Variants in KCNIP4 observed in about 807,000 individuals in gnomAD.
The protein encoded by KCNIP4 is Kv channel-interacting protein 4.
Under a neutral mutation model 34.0 loss-of-function variants are expected in KCNIP4, and 12 were observed. The ratio of observed to expected loss-of-function variants is 0.35; its 90% CI spans 0.23 to 0.57. The LOEUF (loss-of-function observed/expected upper bound fraction) is 0.57. KCNIP4 is among the 20% of genes least tolerant of loss of function. KCNIP4 has a pLI of 0.83. For missense variants in KCNIP4, 238 were observed against 311.7 expected (o/e 0.76, Z 1.78); for synonymous variants, 124 against 102.2 (o/e 1.21, Z -1.29).
intron 1 of KCNIP4, among the ~76,000 whole-genome samples, chr4:21,771,380 C>T (rs1020650557): frequency 7.2e-5 from 11 of 152,152 alleles, no homozygotes; most frequent in African/African-American, 2.4e-4. Context: ...AGTGTGATAA[C>T]TCCAGCTTTG....
intron 1 of KCNIP4, among the ~76,000 whole-genome samples, chr4:21,184,445 G>C (rs781376069): frequency 2.6e-5 from 4 of 152,124 alleles, no homozygotes; most frequent in Non-Finnish European, 5.9e-5. Context: ...TTGCCTAGAG[G>C]AGGAGAAGAA....
intron 1 of KCNIP4, among the ~76,000 whole-genome samples, chr4:21,119,635 C>T (rs1749978780): frequency 6.6e-6 from 1 of 151,854 alleles, no homozygotes; most frequent in Admixed American, 6.6e-5. Flanking sequence ...TTCCCCACTG[C>T]CTAATGTACA....
At chr4:21,753,637 G>A (rs1717302365) in intron 1 of KCNIP4, among the ~76,000 whole-genome samples, 1 of 152,170 alleles carries the variant, frequency 6.6e-6, no homozygotes, top group East Asian at 1.9e-4. Context: ...TAAATGTCCT[G>A]TTGTGCATTT....
At chr4:21,637,167 T>A (rs1226396095) in intron 1 of KCNIP4, among the ~76,000 whole-genome samples, 1 of 152,096 alleles carries the variant, frequency 6.6e-6, no homozygotes, top group East Asian at 1.9e-4. Context: ...ACTGATCAGC[T>A]CCTAAATGTC....
chr4:21,357,450 G>C (rs1385727748), intron 1 of KCNIP4, among the ~76,000 whole-genome samples: 1 of 152,066 alleles, frequency 6.6e-6, no homozygotes, highest in East Asian at 1.9e-4. Flanking sequence ...AATTTACAAA[G>C]AGAACTTAAA....
chr4:21,731,024 G>A (rs1715553272), intron 1 of KCNIP4, among the ~76,000 whole-genome samples: 1 of 151,214 alleles, frequency 6.6e-6, no homozygotes, highest in East Asian at 2.0e-4. Flanking sequence ...TAAGGTTGGA[G>A]TATCACCTGA....
chr4:21,770,326 C>T (rs951842612), intron 1 of KCNIP4, among the ~76,000 whole-genome samples: 6 of 152,158 alleles, frequency 3.9e-5, no homozygotes, highest in African/African-American at 1.4e-4. Flanking sequence ...CATAGTATTC[C>T]ATGGTGTATA....
At chr4:21,113,454 TTA>T (rs1491206374) in intron 1 of KCNIP4, among the ~76,000 whole-genome samples, 1,552 of 55,634 alleles carry the variant, frequency 0.028, 34 homozygotes, top group African/African-American at 0.12. Flanking sequence ...ATCTATAAGT[TTA>T]AAAAAAAAAA....
chr4:21,218,539 T>C (rs1757772504), intron 1 of KCNIP4, among the ~76,000 whole-genome samples: 1 of 152,188 alleles, frequency 6.6e-6, no homozygotes, highest in Non-Finnish European at 1.5e-5. Context: ...TATAAATCAA[T>C]GGGTCTCAGT....
intron 1 of KCNIP4, among the ~76,000 whole-genome samples, chr4:21,754,367 GC>G (rs1216939653): frequency 1.3e-5 from 2 of 152,088 alleles, no homozygotes; most frequent in African/African-American, 4.8e-5. Flanking sequence ...GTTTTTCCTT[GC>G]TAGAATATAA....
intron 1 of KCNIP4, among the ~76,000 whole-genome samples, chr4:20,888,562 T>C (rs1368319857): frequency 6.6e-6 from 1 of 152,142 alleles, no homozygotes; most frequent in African/African-American, 2.4e-5. Context: ...AAAAGAAAGT[T>C]GATGGTGAAT....
chr4:20,906,227 T>C (rs775902203), intron 1 of KCNIP4, among the ~76,000 whole-genome samples: 2 of 152,286 alleles, frequency 1.3e-5, no homozygotes, highest in South Asian at 2.1e-4. Context: ...GCTGTGCCTA[T>C]TGGGCTGCTT....
chr4:21,559,841 C>T (rs1330263299), intron 1 of KCNIP4, among the ~76,000 whole-genome samples: 1 of 152,128 alleles, frequency 6.6e-6, no homozygotes, highest in African/African-American at 2.4e-5. Flanking sequence ...TCTCTTACTA[C>T]TTCTATTCTT....
chr4:21,117,206 T>C (rs368021957), intron 1 of KCNIP4, among the ~76,000 whole-genome samples: 1 of 150,776 alleles, frequency 6.6e-6, no homozygotes, highest in Non-Finnish European at 1.5e-5. Flanking sequence ...CAACTTTCAC[T>C]TGTGAACACT....
intron 1 of KCNIP4, among the ~76,000 whole-genome samples, chr4:20,954,674 T>G (rs553093492): frequency 6.6e-6 from 1 of 152,296 alleles, no homozygotes; most frequent in Admixed American, 6.5e-5. Flanking sequence ...TGCCCATACT[T>G]CTGGCAGATG....
intron 1 of KCNIP4, among the ~76,000 whole-genome samples, chr4:21,096,680 T>C (rs894222176): frequency 6.6e-6 from 1 of 152,184 alleles, no homozygotes; most frequent in Middle Eastern, 3.2e-3. Flanking sequence ...TCTTATTTTA[T>C]ATACTAAATA....
chr4:21,144,124 A>G (rs1752181107), intron 1 of KCNIP4, among the ~76,000 whole-genome samples: 1 of 152,196 alleles, frequency 6.6e-6, no homozygotes, highest in Admixed American at 6.5e-5. Context: ...AGATACACAC[A>G]TGAATTTTAT....
chr4:20,756,171 G>T (rs1358046477), intron 4 of KCNIP4, among the ~76,000 whole-genome samples: 1 of 135,632 alleles, frequency 7.4e-6, no homozygotes, highest in Admixed American at 7.2e-5. Flanking sequence ...GTGGAAAGTA[G>T]TAAAAAAAAA....
At chr4:21,425,081 G>A in intron 1 of KCNIP4, among the ~76,000 whole-genome samples, 1 of 152,130 alleles carries the variant, frequency 6.6e-6, no homozygotes, top group Middle Eastern at 3.2e-3. Flanking sequence ...GAGGAGAAAT[G>A]AGCACTCGGG....
Sources: gnomAD v4.1 joint callset for allele counts (sites outside exome capture counted in the v4.1 genomes callset) on GRCh38, gnomAD v4.1.1 for gene constraint, MANE v1.5 for transcripts, NCBI Gene and HGNC (gene_info 2026-07-23, HGNC 2026-07-21) for gene names.